Variants in CNR2 observed in about 807,000 individuals in gnomAD.
The protein encoded by CNR2 is cannabinoid receptor 2 (macrophage).
For synonymous variants in CNR2, 172 were observed against 182.2 expected (o/e 0.94, Z 0.45); for missense variants, 379 against 439.9 (o/e 0.86, Z 1.24).
chr1:23,882,333 G>A lies in CNR2; in HGVS notation c.-45-6671C>T, dbSNP rs148254454. Among the ~76,000 whole-genome samples, 5 of 152,154 alleles carry A rather than the reference G, an allele frequency of 3.3e-5. No homozygotes were observed. The South Asian group carries it at 8.3e-4, about 25-fold the overall frequency. On this transcript the variant is annotated intron_variant, in intron 1 of 1. Coordinates refer to ENST00000374472, the MANE Select transcript of CNR2 (RefSeq NM_001841.3). ...TGTTCCTCAAACCTATGATGACATT[G>A]TCACGTTACCAGTCTGATGTGTGAA...
intron 1 of CNR2, chr1:23,907,718 C>T (rs1035800570): frequency 1.3e-5 from 2 of 152,044 alleles, no homozygotes; most frequent in African/African-American, 4.8e-5. Flanking sequence ...GTCTCAAACT[C>T]CTGGCCTCAA....
intron 1 of CNR2, among the ~76,000 whole-genome samples, chr1:23,883,253 C>A (rs189179823): frequency 1.3e-5 from 2 of 152,276 alleles, no homozygotes; most frequent in East Asian, 3.9e-4. Context: ...ACTCTCATTG[C>A]GATGGGGGTG....
chr1:23,878,094 G>A (rs747041702), intron 1 of CNR2, among the ~76,000 whole-genome samples: 1 of 152,232 alleles, frequency 6.6e-6, no homozygotes, highest in Admixed American at 6.5e-5. Context: ...TCTCAGAGGA[G>A]TGTTAGAGAG....
rs567325353 is a variant in CNR2, at chr1:23,903,185, G to T, written c.-46+10061C>A. Among the ~76,000 whole-genome samples, 13 of 152,272 alleles carry T rather than the reference G, an allele frequency of 8.5e-5. No individual in the cohort carries two copies. In the East Asian group the frequency reaches 2.5e-3, roughly 29 times the overall value. ...GCCTAGCCTAGCGCAGCCGGGCCAG[G>T]CCTGGCCGCAGCAATAACTGCTTTT... is the stretch of plus-strand genomic sequence containing the variant. On this transcript the variant is annotated intron_variant, in intron 1 of 1. Coordinates refer to ENST00000374472, the MANE Select transcript of CNR2 (RefSeq NM_001841.3).
intron 1 of CNR2, among the ~76,000 whole-genome samples, chr1:23,895,185 TG>T (rs35829803): frequency 0.82 from 124,247 of 151,992 alleles, 50,888 homozygotes; most frequent in Admixed American, 0.84. Flanking sequence ...CACGCCACTG[TG>T]CTCCAGCCTG....
At chr1:23,900,836 T>C (rs1365593595) in intron 1 of CNR2, among the ~76,000 whole-genome samples, 3 of 152,012 alleles carry the variant, frequency 2.0e-5, no homozygotes, top group African/African-American at 7.2e-5. Flanking sequence ...CTTCCCACCT[T>C]GGACCATTTT....
intron 1 of CNR2, chr1:23,902,698 C>T: frequency 1.3e-6 from 2 of 1,592,396 alleles, no homozygotes; most frequent in Admixed American, 1.7e-5. Flanking sequence ...GCCACGAGCT[C>T]GTTGTTGAAC....
chr1:23,898,641 ATTTTTTTTTTTTTTTTT>A lies in CNR2; in HGVS notation c.-46+14588_-46+14604del, dbSNP rs71026701. Among the ~76,000 whole-genome samples the A allele has an allele frequency of 4.2e-3, 107 of 25,332 alleles. 1 individual carries two copies. Among genetic ancestry groups the A allele is most frequent in the African/African-American group, 0.017 (104 of 6,002 alleles). The allele number at this position is 25,332 out of a possible 152,430, so 16.6% of individuals were successfully genotyped here. ...AGGCTTGAGCCACCACGCCTGGCCA[ATTTTTTTTTTTTTTTTT>A]TTTTTTTTTTTTGAGACAAAGTCTC... is the stretch of plus-strand genomic sequence containing the variant. On this transcript the variant is annotated intron_variant, in intron 1 of 1. Coordinates refer to ENST00000374472, the MANE Select transcript of CNR2 (RefSeq NM_001841.3).
At chr1:23,883,227 G>T (rs1420345565) in intron 1 of CNR2, among the ~76,000 whole-genome samples, 5 of 152,350 alleles carry the variant, frequency 3.3e-5, no homozygotes, top group East Asian at 1.9e-4. Context: ...GCTGGAGAAG[G>T]CGTGGAGCCA....
chr1:23,903,898 G>A (rs74967924), intron 1 of CNR2, among the ~76,000 whole-genome samples: 2,708 of 152,326 alleles, frequency 0.018, 39 homozygotes, highest in Non-Finnish European at 0.027. Context: ...AGAGCCCGAT[G>A]TGAACCCAAA....
chr1:23,882,525 A>G (rs544626274), intron 1 of CNR2, among the ~76,000 whole-genome samples: 1 of 152,062 alleles, frequency 6.6e-6, no homozygotes, highest in African/African-American at 2.4e-5. Context: ...TGCTGATACT[A>G]TCAGGTGCGG....
chr1:23,897,973 C>T (rs908916035), intron 1 of CNR2, among the ~76,000 whole-genome samples: 1 of 152,114 alleles, frequency 6.6e-6, no homozygotes, highest in Non-Finnish European at 1.5e-5. Flanking sequence ...TTTACAAGCA[C>T]TGTGTCCTTT....
At chr1:23,879,913 C>A (rs563558929) in intron 1 of CNR2, among the ~76,000 whole-genome samples, 4 of 152,242 alleles carry the variant, frequency 2.6e-5, no homozygotes, top group African/African-American at 7.2e-5. Context: ...GCTCCCTAGT[C>A]CACTATGTAA....
intron 1 of CNR2, among the ~76,000 whole-genome samples, chr1:23,879,589 G>A (rs1288839588): frequency 6.6e-6 from 1 of 152,002 alleles, no homozygotes; most frequent in African/African-American, 2.4e-5. Flanking sequence ...CTCCAGTGTG[G>A]GTGACAGAAT....
chr1:23,879,895 C>G (rs754661104), intron 1 of CNR2, among the ~76,000 whole-genome samples: 1 of 152,070 alleles, frequency 6.6e-6, no homozygotes, highest in Non-Finnish European at 1.5e-5. Flanking sequence ...TGTCCCAAAC[C>G]CTGCATAGCT....
intron 1 of CNR2, among the ~76,000 whole-genome samples, chr1:23,900,304 G>T (rs1304985747): frequency 6.6e-6 from 1 of 152,092 alleles, no homozygotes. Flanking sequence ...AATGCTGGTG[G>T]AGACTGATTT....
intron 1 of CNR2, chr1:23,902,488 C>A: frequency 6.9e-6 from 11 of 1,604,866 alleles, no homozygotes; most frequent in Non-Finnish European, 9.4e-6. Context: ...GCTTCCAGAT[C>A]GATCTCATCA....
At chr1:23,901,846 C>G in intron 1 of CNR2, 1 of 1,609,330 alleles carries the variant, frequency 6.2e-7, no homozygotes, top group South Asian at 1.1e-5. Flanking sequence ...CCACTGCAAA[C>G]TGGATGCTGT....
At chr1:23,887,530 C>A (rs1217916563) in intron 1 of CNR2, among the ~76,000 whole-genome samples, 1 of 152,144 alleles carries the variant, frequency 6.6e-6, no homozygotes, top group African/African-American at 2.4e-5. Context: ...GAAATTCAGG[C>A]ATTTGGATGC....
Sources: allele counts gnomAD v4.1 joint callset (sites outside exome capture counted in the v4.1 genomes callset), GRCh38; gene constraint gnomAD v4.1.1; transcripts MANE v1.5; gene names NCBI Gene and HGNC (gene_info 2026-07-23, HGNC 2026-07-21).